ELOVL2: variants seen among roughly 807,000 people sequenced by gnomAD.
The protein encoded by ELOVL2 is ELOVL fatty acid elongase 2, also known as very long chain fatty acid elongase 2.
Under a neutral mutation model 37.7 loss-of-function variants are expected in ELOVL2, and 38 were observed. The ratio of observed to expected loss-of-function variants is 1.01; its 90% confidence interval spans 0.78 to 1.32. The LOEUF (loss-of-function observed/expected upper bound fraction) is 1.32. Ranked by LOEUF, ELOVL2 falls within the 40% of genes most tolerant of loss-of-function variation. ELOVL2 has a pLI of 0.00. For synonymous variants in ELOVL2, 115 were observed against 122.3 expected, an observed-to-expected ratio of 0.94 and a Z score of 0.40; for missense variants, 352 against 363.6, an observed-to-expected ratio of 0.97 and a Z score of 0.26.
intron 1 of ELOVL2, among the ~76,000 whole-genome samples, chr6:11,026,825 T>C (rs1388628363): frequency 6.6e-6 from 1 of 152,086 alleles, no homozygotes; most frequent in Non-Finnish European, 1.5e-5. Context: ...TGGAGTATTA[T>C]TTATATCTAA....
Position 11,000,571 on chromosome 6 carries a change from A to C in ELOVL2, c.256-407T>G, listed in dbSNP as rs79752851. Reference sequence around the variant, plus strand: ...TTTAAATATATTTAATCATCTCAATAATTTTTAAAAATACATATATTGCCA... The same window carrying C: ...TTTAAATATATTTAATCATCTCAATCATTTTTAAAAATACATATATTGCCA... On this transcript the variant is annotated intron_variant, in intron 3 of 7. Transcript: ENST00000354666. Among the ~76,000 whole-genome samples the C allele has an allele frequency of 3.0e-3, 453 of 152,340 alleles. 3 individuals are homozygous for C. Among genetic ancestry groups the C allele is most frequent in the South Asian group, 0.021 (100 of 4,822 alleles).
Position 11,044,273 on chromosome 6 carries a change from T to TGCGCTGTCCAGGGTAGCCGGGTC in ELOVL2, c.-66_-44dup. 1 of 1,314,210 alleles carries TGCGCTGTCCAGGGTAGCCGGGTC rather than the reference T, an allele frequency of 7.6e-7. No homozygotes were observed. Among genetic ancestry groups the TGCGCTGTCCAGGGTAGCCGGGTC allele is most frequent in the Non-Finnish European group, 9.7e-7 (1 of 1,033,990 alleles). 81.4% of individuals were successfully genotyped at this position (1,314,210 alleles called of 1,614,324 possible). ...GCGCGGCGACCCGGGCGGGCGGCGA[T>TGCGCTGTCCAGGGTAGCCGGGTC]GCGCTGTCCAGGGTAGCCGGGTCCC... On this transcript the variant is annotated 5_prime_UTR_variant, in exon 1 of 8. Transcript: ENST00000354666. This position sits in a 1 kb window ranked among gnomAD's most constrained non-coding sequence, Gnocchi z 5.6.
chr6:11,011,838 G>T (rs1782588296), intron 1 of ELOVL2, among the ~76,000 whole-genome samples: 1 of 152,118 alleles, frequency 6.6e-6, no homozygotes, highest in Non-Finnish European at 1.5e-5. Context: ...CGCCACAGAG[G>T]TCTACAGCAC....
At chr6:11,037,145 AC>A (rs1561729995) in intron 1 of ELOVL2, among the ~76,000 whole-genome samples, 1 of 146,030 alleles carries the variant, frequency 6.8e-6, no homozygotes, top group Non-Finnish European at 1.5e-5. Flanking sequence ...GGAGAGAGAG[AC>A]AGAGAGGCAG....
In ELOVL2 at chr6:11,007,497, C is replaced by T. The variant is rs149409410; in HGVS notation, c.68-1938G>A. On this transcript the variant is annotated intron_variant, in intron 2 of 7. Transcript: ENST00000354666. ...GATTGCCACCAACCACCAGAAACTA[C>T]GGGGAGTCATGGTACAGAATCTTCC... Among the ~76,000 whole-genome samples the T allele has an allele frequency of 2.7e-3, 417 of 152,236 alleles. 2 individuals are homozygous for T. Among genetic ancestry groups the T allele is most frequent in the African/African-American group, 9.2e-3 (380 of 41,520 alleles).
At chr6:11,029,783 G>A (rs1782894758) in intron 1 of ELOVL2, among the ~76,000 whole-genome samples, 1 of 152,192 alleles carries the variant, frequency 6.6e-6, no homozygotes, top group South Asian at 2.1e-4. Flanking sequence ...ATTAGTTTTT[G>A]TGGGAAAAGA....
intron 2 of ELOVL2, among the ~76,000 whole-genome samples, chr6:11,007,108 G>C (rs146563255): frequency 6.6e-6 from 1 of 152,166 alleles, no homozygotes; most frequent in African/African-American, 2.4e-5. Flanking sequence ...TTATATAGGT[G>C]ATAATATCAT....
intron 5 of ELOVL2, among the ~76,000 whole-genome samples, chr6:10,992,789 AAAAAACAAAAC>A (rs1401033619): frequency 4.1e-5 from 5 of 123,068 alleles, no homozygotes; most frequent in Admixed American, 2.0e-4. Flanking sequence ...TCCATCTCAA[AAAAAACAAAAC>A]AAAAAAAAAC....
intron 1 of ELOVL2, among the ~76,000 whole-genome samples, chr6:11,032,849 G>A (rs149694859): frequency 2.3e-3 from 354 of 152,298 alleles, no homozygotes; most frequent in African/African-American, 7.9e-3. Flanking sequence ...ACGACGCCCT[G>A]AAAGTGTTCT....
chr6:10,993,482 T>A (rs1782201956), intron 5 of ELOVL2, among the ~76,000 whole-genome samples: 1 of 152,204 alleles, frequency 6.6e-6, no homozygotes, highest in Non-Finnish European at 1.5e-5. Flanking sequence ...TAAACATTAA[T>A]AAGACAACAC....
intron 7 of ELOVL2, among the ~76,000 whole-genome samples, chr6:10,988,640 A>G (rs1346646060): frequency 6.6e-6 from 1 of 152,372 alleles, no homozygotes; most frequent in East Asian, 1.9e-4. Flanking sequence ...AGCACTTCTT[A>G]TTAGTCTGAA....
intron 1 of ELOVL2, among the ~76,000 whole-genome samples, chr6:11,014,385 G>A (rs1004699670): frequency 8.0e-5 from 12 of 150,750 alleles, no homozygotes; most frequent in South Asian, 2.1e-4. Context: ...AGGCTGAGGC[G>A]GGAGAATCAC....
rs537637659 is a variant in ELOVL2, at chr6:10,993,294, T to A, written c.505+1713A>T. Among the ~76,000 whole-genome samples, 13 of 152,322 alleles carry A rather than the reference T, an allele frequency of 8.5e-5. No homozygotes were observed. The South Asian group carries it at 2.7e-3, about 32-fold the overall frequency. On this transcript the variant is annotated intron_variant, in intron 5 of 7. Transcript: ENST00000354666. ...AACAGACACGGCTTTTAAAATAAAA[T>A]CTGAAATATAAAGCAAGTCATCTTC...
chr6:11,026,302 T>C (rs1333954572), intron 1 of ELOVL2, among the ~76,000 whole-genome samples: 1 of 152,188 alleles, frequency 6.6e-6, no homozygotes, highest in Non-Finnish European at 1.5e-5. Flanking sequence ...TTTTTTTCAT[T>C]GTCTTTTAAA....
chr6:11,044,190 G>A lies in ELOVL2; in HGVS notation c.3+38C>T. ...TGCGTGGGTCCAGGAGAGAAAGAAAGCGCGGCGGTGTCGGTGGCGGCGCGC... is the reference window on the plus strand; with the variant it reads ...TGCGTGGGTCCAGGAGAGAAAGAAAACGCGGCGGTGTCGGTGGCGGCGCGC... On this transcript the variant is annotated intron_variant, in intron 1 of 7. Transcript: ENST00000354666. The surrounding 1 kb of genome is among the most constrained non-coding windows in gnomAD (Gnocchi z 5.6). 2 of 1,452,854 alleles carry A rather than the reference G, an allele frequency of 1.4e-6. No individual in the cohort carries two copies. Among genetic ancestry groups the A allele is most frequent in the South Asian group, 2.7e-5 (2 of 72,906 alleles). 90.0% of individuals were successfully genotyped at this position (1,452,854 alleles called of 1,614,324 possible). A position where few individuals can be genotyped will look rare whatever the true frequency, so the allele number is the denominator to read the frequency against.
intron 4 of ELOVL2, among the ~76,000 whole-genome samples, chr6:10,996,372 A>G (rs530577336): frequency 7.8e-4 from 119 of 152,320 alleles, no homozygotes; most frequent in African/African-American, 2.7e-3. Flanking sequence ...AGAAATCACT[A>G]TATCTTACTT....
intron 7 of ELOVL2, among the ~76,000 whole-genome samples, chr6:10,989,378 C>CA (rs1782104271): frequency 6.6e-6 from 1 of 152,220 alleles, no homozygotes; most frequent in South Asian, 2.1e-4. Flanking sequence ...CTAGGCTGGG[C>CA]ATAGTGGCTC....
At position 11,043,243 on chromosome 6, in the gene ELOVL2, G is replaced by A. The variant is rs1018806624; in HGVS notation, c.3+985C>T. ...GGAGAGAAAACCCTACGGGAAGGGG[G>A]TGAGGCAAACACTGAATATGGACCA... On this transcript the variant is annotated intron_variant, in intron 1 of 7. Coordinates refer to ENST00000354666, the MANE Select transcript of ELOVL2 (RefSeq NM_017770.4). Among the ~76,000 whole-genome samples, 5 of 152,236 alleles carry A rather than the reference G, an allele frequency of 3.3e-5. No individual in the cohort carries two copies. In the East Asian group the frequency reaches 9.6e-4, roughly 29 times the overall value.
chr6:10,997,463 G>T (rs1304817169), intron 4 of ELOVL2, among the ~76,000 whole-genome samples: 2 of 152,010 alleles, frequency 1.3e-5, no homozygotes, highest in African/African-American at 2.4e-5. Flanking sequence ...TTTAAATCAC[G>T]ATCCAAAGAA....
Sources: allele counts gnomAD v4.1 joint callset (sites outside exome capture counted in the v4.1 genomes callset), GRCh38; gene constraint gnomAD v4.1.1; non-coding constraint Gnocchi (gnomAD v3.1); transcripts MANE v1.5; gene names NCBI Gene and HGNC (gene_info 2026-07-23, HGNC 2026-07-21).